The following ZNF516 variants were observed in gnomAD, a reference collection of about 807,000 sequenced individuals.
ZNF516 encodes zinc finger protein 516.
A neutral mutation model predicts 79.7 loss-of-function variants in ZNF516; 19 were observed. The ratio of observed to expected loss-of-function variants is 0.24; its 90% confidence interval spans 0.17 to 0.35. The LOEUF (loss-of-function observed/expected upper bound fraction) is 0.35, where lower values mean the gene tolerates loss of function less well. Ranked by LOEUF, ZNF516 falls within the 10% of genes least tolerant of loss-of-function variation. The pLI, the probability that ZNF516 is intolerant of heterozygous loss-of-function variation, is 1.00. For synonymous variants in ZNF516, 877 were observed against 739.5 expected, an observed-to-expected ratio of 1.19 and a Z score of -3.02; for missense variants, 1,678 against 1,679.5, an observed-to-expected ratio of 1.00 and a Z score of 0.02.
At chr18:76,495,796 C>T (rs1218330992), upstream of ZNF516, 1 of 1,090,962 alleles carries the variant, frequency 9.2e-7, no homozygotes, top group Non-Finnish European at 1.1e-6. Context: ...GGTGCGTGTG[C>T]ATTACACACG....
In ZNF516 at chr18:76,359,024, A is replaced by T. The variant is rs2074494626; in HGVS notation, c.*3474T>A. ...CCCCTGCAGCCTGAAGGAGTGTGAGACGATGAAACCCACATGTGCCGGAGC... is the reference window on the plus strand; with the variant it reads ...CCCCTGCAGCCTGAAGGAGTGTGAGTCGATGAAACCCACATGTGCCGGAGC... On this transcript the variant is annotated 3_prime_UTR_variant, in exon 7 of 7. Transcript: ENST00000443185. 6.6e-6 allele frequency: 1 copy of T among 152,288 alleles called. No individual in the cohort carries two copies. The highest frequency in any genetic ancestry group is 2.1e-4 in the South Asian group (1 of 4,836). The allele number at this position is 152,288 out of a possible 1,614,324, so 9.4% of individuals were successfully genotyped here. A position where few individuals can be genotyped will look rare whatever the true frequency, so the allele number is the denominator to read the frequency against.
At chr18:76,415,039 A>C (rs575077392) in intron 3 of ZNF516, among the ~76,000 whole-genome samples, 2 of 152,340 alleles carry the variant, frequency 1.3e-5, no homozygotes, top group African/African-American at 4.8e-5. Context: ...TTCTACTAAA[A>C]ATACAAAAAT....
rs1170555018 is a variant in ZNF516, at chr18:76,467,190, T to G, written c.-271-4049A>C. Among the ~76,000 whole-genome samples the G allele has an allele frequency of 1.2e-4, 11 of 88,872 alleles. No homozygotes were observed. Among genetic ancestry groups the G allele is most frequent in the African/African-American group, 4.7e-4 (10 of 21,302 alleles). The allele number at this position is 88,872 out of a possible 152,430, so 58.3% of individuals were successfully genotyped here. On this transcript the variant is annotated intron_variant, in intron 1 of 6. Transcript: ENST00000443185. The surrounding 1 kb of genome is among the most constrained non-coding windows in gnomAD (Gnocchi z 4.2). Reference sequence around the variant, plus strand: ...GTTGGCAGGAAGTCCTGCGTGTCTCTCGGAACCTGCAGCTCACAGCCCCTC... The same window carrying G: ...GTTGGCAGGAAGTCCTGCGTGTCTCGCGGAACCTGCAGCTCACAGCCCCTC...
At chr18:76,480,712 G>A (rs1914477577) in intron 1 of ZNF516, among the ~76,000 whole-genome samples, 1 of 151,994 alleles carries the variant, frequency 6.6e-6, no homozygotes, top group African/African-American at 2.4e-5. Flanking sequence ...AGTAGAGATG[G>A]GGTTTTGCCA....
rs374426019 is a variant in ZNF516, at chr18:76,379,240, C to T, written c.2874G>A (p.Ala958=). Reference sequence around the variant, plus strand: ...TATTTGTGGGGGCAAAGCCAGCCCCCGCTGGGGGGACCCCAAACTTCTCCA... The same window carrying T: ...TATTTGTGGGGGCAAAGCCAGCCCCTGCTGGGGGGACCCCAAACTTCTCCA... The part of the protein sequence containing the change: ...KPVEKFGVPP[A]GAGFAPTNKH... The change falls in exon 4 of 7, where the codon GCG becomes GCA. Residue 958 remains alanine, a synonymous_variant. Transcript: ENST00000443185. 7.4e-6 allele frequency: 12 copies of T among 1,612,520 alleles called. No individual in the cohort carries two copies. The highest frequency in any genetic ancestry group is 1.6e-4 in the Middle Eastern group (1 of 6,084).
chr18:76,420,010 G>T (rs1258778629), intron 3 of ZNF516, among the ~76,000 whole-genome samples: 1 of 152,240 alleles, frequency 6.6e-6, no homozygotes, highest in Non-Finnish European at 1.5e-5. Flanking sequence ...TCACACAGGT[G>T]ATCATGAGGG....
chr18:76,401,998 C>CGTGTGTACACGTTT (rs2075236113), intron 3 of ZNF516, among the ~76,000 whole-genome samples: 1 of 149,154 alleles, frequency 6.7e-6, no homozygotes, highest in Non-Finnish European at 1.5e-5. Context: ...TGTGTACGCG[C>CGTGTGTACACGTTT]GTGTGTACAC....
intron 1 of ZNF516, among the ~76,000 whole-genome samples, chr18:76,464,792 T>C (rs1305553374): frequency 6.6e-6 from 1 of 152,192 alleles, no homozygotes. Context: ...ATCTCACTTA[T>C]GGAAAGGTTA....
At chr18:76,445,695 G>A (rs1430829308) in intron 2 of ZNF516, among the ~76,000 whole-genome samples, 1 of 152,204 alleles carries the variant, frequency 6.6e-6, no homozygotes, top group African/African-American at 2.4e-5. Flanking sequence ...TGTCTATAAA[G>A]GATGTTAAAT....
chr18:76,428,284 T>C (rs1361976501), intron 3 of ZNF516, among the ~76,000 whole-genome samples: 2 of 151,014 alleles, frequency 1.3e-5, no homozygotes, highest in Non-Finnish European at 1.5e-5. Flanking sequence ...TCCCAGCTAA[T>C]TGGGAGGCTG....
chr18:76,454,193 CA>C (rs888304255), intron 2 of ZNF516, among the ~76,000 whole-genome samples: 3 of 152,024 alleles, frequency 2.0e-5, no homozygotes, highest in African/African-American at 7.2e-5. Flanking sequence ...AGTCAGCGCC[CA>C]AAAAAATCCC....
intron 4 of ZNF516, among the ~76,000 whole-genome samples, chr18:76,372,473 G>C (rs536957374): frequency 6.6e-6 from 1 of 152,208 alleles, no homozygotes; most frequent in Non-Finnish European, 1.5e-5. Flanking sequence ...AGTTACACCT[G>C]TTGCAGTAAT....
At chr18:76,394,929 G>A (rs769386823) in intron 3 of ZNF516, among the ~76,000 whole-genome samples, 7 of 152,068 alleles carry the variant, frequency 4.6e-5, no homozygotes, top group Admixed American at 2.0e-4. Flanking sequence ...CACCACACAC[G>A]CCCTTTCTGA....
At chr18:76,449,553 G>A (rs1023028692) in intron 2 of ZNF516, among the ~76,000 whole-genome samples, 1 of 152,222 alleles carries the variant, frequency 6.6e-6, no homozygotes, top group Non-Finnish European at 1.5e-5. Context: ...CTGAGCAAGT[G>A]TCTTAGCCTC....
At chr18:76,371,823 G>T (rs1435101483) in intron 4 of ZNF516, among the ~76,000 whole-genome samples, 1 of 152,226 alleles carries the variant, frequency 6.6e-6, no homozygotes, top group African/African-American at 2.4e-5. Context: ...GGGACAGGAG[G>T]TGCCCGCCAG....
chr18:76,359,806 T>C lies in ZNF516; in HGVS notation c.*2692A>G, dbSNP rs2074504809. ...AGTCAGAAGACAACGTACAGAAGTG[T>C]ATCATGCAGAAATTACCATTCGGAA... On this transcript the variant is annotated 3_prime_UTR_variant, in exon 7 of 7. Transcript: ENST00000443185. 2 of 151,724 alleles carry C rather than the reference T, an allele frequency of 1.3e-5. No homozygotes were observed. Among genetic ancestry groups the C allele is most frequent in the Admixed American group, 6.6e-5 (1 of 15,266 alleles). The allele number at this position is 151,724 out of a possible 1,614,324, so 9.4% of individuals were successfully genotyped here. A position where few individuals can be genotyped will look rare whatever the true frequency, so the allele number is the denominator to read the frequency against.
Position 76,367,608 on chromosome 18 carries a change from A to G in ZNF516, c.3432+2920T>C, listed in dbSNP as rs148222215. On this transcript the variant is annotated intron_variant, in intron 6 of 6. Transcript: ENST00000443185. Reference sequence around the variant, plus strand: ...CTTCCACGTGCTGAGCTCTTTAGGGACGCCCATCCCTCCGCCCCTCCATAG... The same window carrying G: ...CTTCCACGTGCTGAGCTCTTTAGGGGCGCCCATCCCTCCGCCCCTCCATAG... 2.6e-3 allele frequency among the ~76,000 whole-genome samples: 401 copies of G among 151,964 alleles called. 1 individual carries two copies. The Middle Eastern group carries it at 0.031, about 12-fold the overall frequency.
At chr18:76,416,697 G>C (rs1422763774) in intron 3 of ZNF516, among the ~76,000 whole-genome samples, 2 of 152,180 alleles carry the variant, frequency 1.3e-5, no homozygotes, top group African/African-American at 4.8e-5. Context: ...TGAAGCTAAG[G>C]TTTAAAAGTC....
chr18:76,478,396 T>C (rs1174802800), intron 1 of ZNF516, among the ~76,000 whole-genome samples: 1 of 152,170 alleles, frequency 6.6e-6, no homozygotes, highest in Non-Finnish European at 1.5e-5. Context: ...AACTTGTTTA[T>C]ATTGAGAGGT....
Sources: gnomAD v4.1 joint callset for allele counts (sites outside exome capture counted in the v4.1 genomes callset) on GRCh38, gnomAD v4.1.1 for gene constraint, Gnocchi (gnomAD v3.1) non-coding constraint, MANE v1.5 for transcripts, NCBI Gene and HGNC (gene_info 2026-07-23, HGNC 2026-07-21) for gene names.